The following CALCR variants were observed in gnomAD, a reference collection of about 807,000 sequenced individuals.
CALCR encodes the protein calcitonin receptor.
In CALCR, 47 loss-of-function variants were observed where a neutral mutation model predicts 59.5. That is an observed-to-expected ratio of 0.79 (90% confidence interval 0.63 to 1.01). The LOEUF is 1.01. Among genes scored for constraint, CALCR ranks in the 50% least tolerant of loss-of-function variants. The probability of loss-of-function intolerance (pLI) is 0.00; values close to 1 mark genes in which losing one functional copy is unlikely to be tolerated. For missense variants in CALCR, 566 were observed against 597.1 expected, an observed-to-expected ratio of 0.95 and a Z score of 0.54; for synonymous variants, 213 against 211.3, an observed-to-expected ratio of 1.01 and a Z score of -0.07.
rs1801274224 is a variant in CALCR, at chr7:93,499,326, G to A, written c.-26-12319C>T. ...TCCACTGGAACAAAGTTTGTGAAATGTGAAATACCACGTGCTCTTCTCTGG... is the reference window on the plus strand; with the variant it reads ...TCCACTGGAACAAAGTTTGTGAAATATGAAATACCACGTGCTCTTCTCTGG... On this transcript the variant is annotated intron_variant, in intron 2 of 13. Coordinates refer to ENST00000426151, the MANE Select transcript of CALCR (RefSeq NM_001742.4). Among the ~76,000 whole-genome samples the A allele has an allele frequency of 2.6e-5, 4 of 151,880 alleles. No individual in the cohort carries two copies. The South Asian group carries it at 6.2e-4, about 24-fold the overall frequency.
At chr7:93,496,073 A>G in intron 2 of CALCR, 1 of 618,340 alleles carries the variant, frequency 1.6e-6, no homozygotes, top group Non-Finnish European at 2.7e-6. Flanking sequence ...GCAAAGTTAA[A>G]TTATCTTTAT....
chr7:93,566,192 T>A (rs1563023198), intron 2 of CALCR, among the ~76,000 whole-genome samples: 1 of 152,158 alleles, frequency 6.6e-6, no homozygotes, highest in Non-Finnish European at 1.5e-5. Context: ...ATAGACAGAT[T>A]TGGGACAGAC....
chr7:93,544,913 GC>G (rs1226182347), intron 2 of CALCR, among the ~76,000 whole-genome samples: 3 of 152,148 alleles, frequency 2.0e-5, no homozygotes, highest in African/African-American at 7.2e-5. Context: ...TTCATGCTGA[GC>G]AGCAGGAAAG....
At position 93,472,458 on chromosome 7, in the gene CALCR, C is replaced by A. The variant is rs1426673237; in HGVS notation, c.346G>T (p.Gly116Cys). 1.9e-6 allele frequency: 3 copies of A among 1,607,356 alleles called. No individual in the cohort carries two copies. The highest frequency in any genetic ancestry group is 1.7e-5 in the Admixed American group (1 of 59,662). The change falls in exon 6 of 14, where the codon GGT becomes TGT. Residue 116 changes from glycine (G) to cysteine (C), a missense_variant. Coordinates refer to ENST00000426151, the MANE Select transcript of CALCR (RefSeq NM_001742.4). ...EKVTKYCDEK[G>C]VWFKHPENNR... ...TTTTCAGGATGTTTAAACCAAACACCTTTTTCATCACAGTATTTTGTAACC... is the reference window on the plus strand; with the variant it reads ...TTTTCAGGATGTTTAAACCAAACACATTTTTCATCACAGTATTTTGTAACC...
At chr7:93,531,691 T>C (rs1230986376) in intron 2 of CALCR, among the ~76,000 whole-genome samples, 2 of 152,108 alleles carry the variant, frequency 1.3e-5, no homozygotes, top group African/African-American at 4.8e-5. Context: ...ATCCTTATAC[T>C]AGTTTCCATG....
chr7:93,438,481 T>C (rs1402620027), intron 9 of CALCR, among the ~76,000 whole-genome samples: 3 of 152,212 alleles, frequency 2.0e-5, no homozygotes, highest in Non-Finnish European at 4.4e-5. Context: ...GAGAGTTTGG[T>C]TAAGAGCATC....
intron 5 of CALCR, 79 bp downstream of exon 5, chr7:93,477,479 G>T: frequency 2.1e-6 from 2 of 935,852 alleles, no homozygotes; most frequent in Non-Finnish European, 3.3e-6. Context: ...GGTACATTTT[G>T]TATCTGATTT....
At chr7:93,536,493 G>T (rs6949993) in intron 2 of CALCR, among the ~76,000 whole-genome samples, 13,431 of 151,624 alleles carry the variant, frequency 0.089, 672 homozygotes, top group African/African-American at 0.11. Flanking sequence ...GAGAATAGTG[G>T]ACTGCATCAT....
At chr7:93,477,883 C>T (rs1053850961) in intron 4 of CALCR, among the ~76,000 whole-genome samples, 1 of 135,640 alleles carries the variant, frequency 7.4e-6, no homozygotes, top group Non-Finnish European at 1.5e-5. Context: ...AAGCAGGGTT[C>T]TATTTCTACT....
At chr7:93,495,641 T>A (rs79423162) in intron 2 of CALCR, among the ~76,000 whole-genome samples, 3,158 of 151,494 alleles carry the variant, frequency 0.021, 52 homozygotes, top group Non-Finnish European at 0.034. Context: ...AGGAGAAGTA[T>A]ACAAGACCTG....
chr7:93,444,651 C>G (rs1584541092), intron 8 of CALCR, among the ~76,000 whole-genome samples: 1 of 152,022 alleles, frequency 6.6e-6, no homozygotes, highest in African/African-American at 2.4e-5. Context: ...GTTGCCCAGT[C>G]TTCCCTGGGG....
rs531258494 is a variant in CALCR at position 93,566,854 on chromosome 7, C to T, written c.-27+7435G>A. Among the ~76,000 whole-genome samples the T allele has an allele frequency of 1.3e-4, 20 of 152,164 alleles. 1 individual carries two copies. The South Asian group carries it at 3.7e-3, about 28-fold the overall frequency. ...TCTAGGAGGTATTAATATTAACTTG[C>T]GGAAAATCAGCTATTCAAACAATTT... On this transcript the variant is annotated intron_variant, in intron 2 of 13. Transcript: ENST00000426151.
At chr7:93,432,174 AAAT>A (rs899300753) in intron 13 of CALCR, among the ~76,000 whole-genome samples, 16 of 152,244 alleles carry the variant, frequency 1.1e-4, no homozygotes, top group African/African-American at 3.1e-4. Context: ...TTCAAAAATG[AAAT>A]AATAATTTCA....
intron 2 of CALCR, among the ~76,000 whole-genome samples, chr7:93,532,920 A>T (rs1452633605): frequency 6.6e-6 from 1 of 150,936 alleles, no homozygotes; most frequent in Non-Finnish European, 1.5e-5. Context: ...TGAGGGTGAT[A>T]ATAGTACTTG....
At chr7:93,468,843 G>A (rs766068186) in intron 6 of CALCR, 37 bp from the exon 7 acceptor site, 2 of 511,080 alleles carry the variant, frequency 3.9e-6, no homozygotes, top group South Asian at 4.4e-5. Context: ...AACAATGAAT[G>A]AATGATTCAT....
intron 2 of CALCR, among the ~76,000 whole-genome samples, chr7:93,568,282 G>C (rs1381598345): frequency 6.6e-6 from 1 of 152,084 alleles, no homozygotes; most frequent in African/African-American, 2.4e-5. Context: ...CTTTCAAAAA[G>C]GGAAAATAAA....
intron 2 of CALCR, among the ~76,000 whole-genome samples, chr7:93,573,711 T>A (rs987821730): frequency 6.6e-6 from 1 of 152,210 alleles, no homozygotes; most frequent in Non-Finnish European, 1.5e-5. Flanking sequence ...AAGAGCATCA[T>A]GAAAAAGAGT....
At chr7:93,545,180 C>G (rs1789252935) in intron 2 of CALCR, among the ~76,000 whole-genome samples, 1 of 152,048 alleles carries the variant, frequency 6.6e-6, no homozygotes, top group African/African-American at 2.4e-5. Flanking sequence ...AATGCTATTC[C>G]AGTTGATATT....
chr7:93,441,471 T>C, intron 9 of CALCR: 2 of 445,448 alleles, frequency 4.5e-6, no homozygotes, highest in Non-Finnish European at 4.5e-6. Context: ...GATTTGGAAA[T>C]CTAGAAATTG....
Sources: gnomAD v4.1 joint callset for allele counts (sites outside exome capture counted in the v4.1 genomes callset) on GRCh38, gnomAD v4.1.1 for gene constraint, MANE v1.5 for transcripts, NCBI Gene and HGNC (gene_info 2026-07-23, HGNC 2026-07-21) for gene names.